Variants in SRRM1 observed in about 807,000 individuals in gnomAD.
SRRM1 encodes serine/arginine repetitive matrix protein 1.
A neutral mutation model predicts 110.2 loss-of-function variants in SRRM1; 19 were observed. That is an observed-to-expected ratio of 0.17 (90% CI 0.12 to 0.25). The LOEUF (loss-of-function observed/expected upper bound fraction) is 0.25. Among genes scored for constraint, SRRM1 ranks in the 10% least tolerant of loss-of-function variants. The pLI, the probability that SRRM1 is intolerant of heterozygous loss-of-function variation, is 1.00. For synonymous variants in SRRM1, 443 were observed against 414.9 expected (o/e 1.07, Z -0.82); for missense variants, 918 against 1,145.8 (o/e 0.80, Z 2.87).
At chr1:24,667,753 T>C (rs540011165) in intron 13 of SRRM1, among the ~76,000 whole-genome samples, 6 of 152,264 alleles carry the variant, frequency 3.9e-5, no homozygotes, top group Middle Eastern at 6.8e-3. Flanking sequence ...CTGGGTTGTT[T>C]GCTATTTTAG....
chr1:24,669,049 A>G, intron 13 of SRRM1, 74 bp from the exon 14 acceptor site: 2 of 1,299,698 alleles, frequency 1.5e-6, no homozygotes, highest in Non-Finnish European at 2.2e-6. Context: ...GTATAGCCAA[A>G]CCTACTGATT....
At chr1:24,653,505 CA>C (rs1293360499) in intron 8 of SRRM1, among the ~76,000 whole-genome samples, 1 of 152,084 alleles carries the variant, frequency 6.6e-6, no homozygotes, top group Non-Finnish European at 1.5e-5. Context: ...ATAAGTAATT[CA>C]GACAGAAATA....
chr1:24,647,480 G>T (rs1658277846), intron 3 of SRRM1: 1 of 152,328 alleles, frequency 6.6e-6, no homozygotes, highest in African/African-American at 2.4e-5. Flanking sequence ...GCATATAATT[G>T]TTCCTTTATA....
intron 2 of SRRM1, among the ~76,000 whole-genome samples, chr1:24,646,313 G>A (rs1364752764): frequency 3.9e-5 from 6 of 152,104 alleles, no homozygotes; most frequent in African/African-American, 1.4e-4. Context: ...AAATCACAAT[G>A]TCAGGAGATT....
intron 8 of SRRM1, 137 bp from the exon 9 acceptor site, chr1:24,654,718 T>C (rs1663007498): frequency 3.0e-6 from 3 of 1,003,180 alleles, no homozygotes; most frequent in Non-Finnish European, 4.4e-6. Flanking sequence ...CCCATTCTTT[T>C]GGACTCATTT....
At position 24,669,393 on chromosome 1, in the gene SRRM1, C is replaced by T. The variant is rs1258658629; in HGVS notation, c.2010C>T (p.Thr670=). Residue 670 remains threonine, a synonymous_variant, in exon 14 of 17, where the codon ACC becomes ACT. Coordinates refer to ENST00000323848, the MANE Select transcript of SRRM1 (RefSeq NM_005839.4). ...AAGGGTCTTCCCCAAGCCGCTCTAC[C>T]CGGGAGGCCCGATCACCACAACCAA... is the stretch of plus-strand genomic sequence containing the variant. The part of the protein sequence containing the change: ...HRKGSSPSRS[T]REARSPQPNK... 26 of 1,613,988 alleles carry T rather than the reference C, an allele frequency of 1.6e-5. No homozygotes were observed. Among genetic ancestry groups the T allele is most frequent in the Non-Finnish European group, 1.9e-5 (23 of 1,180,028 alleles).
chr1:24,643,475 C>A, intron 1 of SRRM1, 128 bp downstream of exon 1: 3 of 662,378 alleles, frequency 4.5e-6, no homozygotes, highest in South Asian at 3.7e-5. Flanking sequence ...CCTCCTAGAG[C>A]CGGCGCACCC....
intron 12 of SRRM1, among the ~76,000 whole-genome samples, chr1:24,664,384 T>A (rs909886851): frequency 1.3e-5 from 2 of 152,240 alleles, no homozygotes; most frequent in African/African-American, 2.4e-5. Context: ...ATTCAGGCCT[T>A]ACTCTCATAA....
rs1407017812 is a variant in SRRM1 at position 24,669,555 on chromosome 1, C to A, written c.2172C>A (p.Val724=). The A allele has an allele frequency of 2.5e-6, 4 of 1,596,330 alleles. No homozygotes were observed. The East Asian group carries it at 9.1e-5, about 36-fold the overall frequency. Residue 724 remains valine (V), a synonymous_variant, in exon 14 of 17, where the codon GTC becomes GTA. Coordinates refer to ENST00000323848, the MANE Select transcript of SRRM1 (RefSeq NM_005839.4). Reference sequence around the variant, plus strand: ...CAAGTACTAGGCCCATTAGGAGAGTCTCCAGGACTCCGGAACCTAAAAAGA... The same window carrying A: ...CAAGTACTAGGCCCATTAGGAGAGTATCCAGGACTCCGGAACCTAAAAAGA... The part of the protein sequence containing the change: ...PSPSTRPIRR[V]SRTPEPKKIK...
intron 9 of SRRM1, among the ~76,000 whole-genome samples, chr1:24,660,155 T>C (rs2148553764): frequency 6.6e-6 from 1 of 152,336 alleles, no homozygotes; most frequent in African/African-American, 2.4e-5. Context: ...AAAGCTTTCA[T>C]GTTGATGAAG....
chr1:24,653,630 T>A (rs886571167), intron 8 of SRRM1, among the ~76,000 whole-genome samples: 1 of 152,158 alleles, frequency 6.6e-6, no homozygotes, highest in African/African-American at 2.4e-5. Flanking sequence ...ACTGTACCAG[T>A]GTTCTTTTTT....
Position 24,652,585 on chromosome 1 carries a change from C to G in SRRM1, c.877C>G (p.Pro293Ala). ...KSRSRTRSRSPSHTRPRRRHR... is the reference protein window; with the variant it reads ...KSRSRTRSRSASHTRPRRRHR... ...AAGATCCCGGACGCGGTCCCGCTCT[C>G]CTTCTCACACTCGACCTAGACGGCG... The change falls in exon 7 of 17, where the codon CCT becomes GCT. Residue 293 changes from proline to alanine, a missense_variant. Physicochemically the swap from Pro to Ala is conservative, Grantham distance 27. Transcript: ENST00000323848. 8 of 1,613,222 alleles carry G rather than the reference C, an allele frequency of 5.0e-6. No homozygotes were observed. Among genetic ancestry groups the G allele is most frequent in the Non-Finnish European group, 5.9e-6 (7 of 1,179,696 alleles).
At chr1:24,646,861 T>C in intron 3 of SRRM1, 72 bp downstream of exon 3, 1 of 1,273,570 alleles carries the variant, frequency 7.9e-7, no homozygotes, top group Non-Finnish European at 1.1e-6. Context: ...ACTGAATTTT[T>C]TCTATGGAGT....
At chr1:24,660,400 A>G (rs1475253816) in intron 9 of SRRM1, among the ~76,000 whole-genome samples, 1 of 152,230 alleles carries the variant, frequency 6.6e-6, no homozygotes, top group African/African-American at 2.4e-5. Flanking sequence ...ACTTCAGATA[A>G]TGTTCAGATA....
rs191664513 is a variant in SRRM1 at position 24,653,198 on chromosome 1, G to A, written c.1040+166G>A. Among the ~76,000 whole-genome samples, 197 of 152,286 alleles carry A rather than the reference G, an allele frequency of 1.3e-3. 1 individual carries two copies. The highest frequency in any genetic ancestry group is 2.0e-3 in the Admixed American group (30 of 15,298). ...CATTTGAAGTGTAATGCAGTTGTTC[G>A]TGTTATGAAAAGTGTCTAGTCTGGT... is the stretch of plus-strand genomic sequence containing the variant. On this transcript the variant is annotated intron_variant, in intron 8 of 16. Coordinates refer to ENST00000323848, the MANE Select transcript of SRRM1 (RefSeq NM_005839.4).
At chr1:24,653,875 C>T (rs533770417) in intron 8 of SRRM1, among the ~76,000 whole-genome samples, 1 of 152,110 alleles carries the variant, frequency 6.6e-6, no homozygotes, top group African/African-American at 2.4e-5. Context: ...TTCAGGGAAC[C>T]AAATCAATTT....
At chr1:24,671,732 T>A in intron 16 of SRRM1, 137 bp downstream of exon 16, 1 of 688,450 alleles carries the variant, frequency 1.5e-6, no homozygotes, top group Non-Finnish European at 2.4e-6. Context: ...TACCATACAG[T>A]TCACCCATTT....
Position 24,654,890 on chromosome 1 carries a change from G to A in SRRM1, c.1076G>A (p.Ser359Asn). 1 of 1,614,182 alleles carries A rather than the reference G, an allele frequency of 6.2e-7. No homozygotes were observed. Among genetic ancestry groups the A allele is most frequent in the African/African-American group, 1.3e-5 (1 of 75,036 alleles). ...RRSSASLSGSSSSSSSSRSRS... is the reference protein window; with the variant it reads ...RRSSASLSGSNSSSSSSRSRS... The stretch of plus-strand genomic sequence containing the variant: ...TCGTCAGCATCCTTGTCTGGGAGTA[G>A]CTCATCATCCTCTTCATCTCGTTCA... The change falls in exon 9 of 17, where the codon AGC (serine) becomes AAC (asparagine). Residue 359 changes from serine (S) to asparagine (N), a missense_variant. Ser to Asn is a conservative substitution (Grantham distance 46). Transcript: ENST00000323848.
chr1:24,669,997 C>G, intron 14 of SRRM1, 123 bp from the exon 15 acceptor site: 3 of 913,768 alleles, frequency 3.3e-6, no homozygotes, highest in Non-Finnish European at 3.3e-6. Flanking sequence ...TTAGTTGAAT[C>G]AACCAGCAAT....
Sources: allele counts gnomAD v4.1 joint callset (sites outside exome capture counted in the v4.1 genomes callset), GRCh38; gene constraint gnomAD v4.1.1; transcripts MANE v1.5; gene names NCBI Gene and HGNC (gene_info 2026-07-23, HGNC 2026-07-21).